UTRN: variants seen among roughly 807,000 people sequenced by gnomAD.
UTRN encodes dystrophin-related protein 1.
A neutral mutation model predicts 463.9 loss-of-function variants in UTRN; 283 were observed. That is an observed-to-expected ratio of 0.61 (90% confidence interval 0.55 to 0.67). The LOEUF (loss-of-function observed/expected upper bound fraction) is 0.67. Ranked by LOEUF, UTRN falls within the 30% of genes least tolerant of loss-of-function variation. The pLI is 0.00. For synonymous variants in UTRN, 1,442 were observed against 1,431.5 expected, an observed-to-expected ratio of 1.01 and a Z score of -0.17; for missense variants, 3,922 against 4,084.3, an observed-to-expected ratio of 0.96 and a Z score of 1.08.
intron 53 of UTRN, among the ~76,000 whole-genome samples, chr6:144,719,027 A>G (rs1418214205): frequency 2.0e-5 from 3 of 152,204 alleles, no homozygotes; most frequent in Admixed American, 2.0e-4. Flanking sequence ...TCTTGAGATA[A>G]TAATGTCTTC....
chr6:144,456,523 C>G (rs927124986), intron 19 of UTRN, among the ~76,000 whole-genome samples: 1 of 151,842 alleles, frequency 6.6e-6, no homozygotes, highest in Non-Finnish European at 1.5e-5. Context: ...CATGGTGGCA[C>G]ATGCCTGTAA....
intron 2 of UTRN, among the ~76,000 whole-genome samples, chr6:144,370,016 A>C (rs1299842866): frequency 6.6e-6 from 1 of 152,186 alleles, no homozygotes; most frequent in Non-Finnish European, 1.5e-5. Flanking sequence ...CAGCAGTATG[A>C]AAATGGACTA....
intron 51 of UTRN, among the ~76,000 whole-genome samples, chr6:144,613,019 A>G (rs1805689400): frequency 6.6e-6 from 1 of 152,124 alleles, no homozygotes; most frequent in Non-Finnish European, 1.5e-5. Context: ...TATACTATTC[A>G]TCCTTTACAA....
intron 65 of UTRN, among the ~76,000 whole-genome samples, chr6:144,804,666 A>G (rs1187591470): frequency 2.0e-5 from 3 of 148,840 alleles, no homozygotes; most frequent in Non-Finnish European, 3.0e-5. Context: ...TGAGCTGGCA[A>G]TTGTCAGAGT....
At chr6:144,743,433 T>A (rs1790327940) in intron 54 of UTRN, among the ~76,000 whole-genome samples, 1 of 152,226 alleles carries the variant, frequency 6.6e-6, no homozygotes, top group Non-Finnish European at 1.5e-5. Context: ...AGGAAGAGTT[T>A]TTTTTCCTCT....
chr6:144,410,082 T>C (rs1385217930), intron 3 of UTRN, among the ~76,000 whole-genome samples: 1 of 152,172 alleles, frequency 6.6e-6, no homozygotes, highest in Non-Finnish European at 1.5e-5. Context: ...AACTGGAGAC[T>C]GGATTTATCT....
intron 51 of UTRN, among the ~76,000 whole-genome samples, chr6:144,675,027 A>T (rs1293317483): frequency 1.3e-5 from 2 of 152,206 alleles, no homozygotes; most frequent in Non-Finnish European, 2.9e-5. Context: ...GTTATAGAAC[A>T]TTATTTTTTC....
intron 2 of UTRN, among the ~76,000 whole-genome samples, chr6:144,294,396 A>G (rs1392361040): frequency 1.3e-5 from 2 of 152,196 alleles, no homozygotes; most frequent in Non-Finnish European, 2.9e-5. Context: ...GTAATATTTC[A>G]TGGTACTCTA....
Position 144,561,252 on chromosome 6 carries a change from TATATATATAC to T in UTRN, c.7289+3945_7289+3954del, listed in dbSNP as rs1395375567. Among the ~76,000 whole-genome samples, 322 of 47,720 alleles carry T rather than the reference TATATATATAC, an allele frequency of 6.7e-3. 6 individuals are homozygous for T. Among genetic ancestry groups the T allele is most frequent in the Middle Eastern group, 0.062 (4 of 64 alleles). The allele number at this position is 47,720 out of a possible 152,430, so 31.3% of individuals were successfully genotyped here. A position where few individuals can be genotyped will look rare whatever the true frequency, so the allele number is the denominator to read the frequency against. ...ATATATATATATATATATATATATA[TATATATATAC>T]ATACACACACACACGTATACACACC... On this transcript the variant is annotated intron_variant, in intron 50 of 74. Transcript: ENST00000367545.
intron 23 of UTRN, 53 bp from the exon 24 acceptor site, chr6:144,473,667 A>C: frequency 7.1e-7 from 1 of 1,414,868 alleles, no homozygotes; most frequent in Admixed American, 1.7e-5. Context: ...CTTGAGATGT[A>C]GTAGGCTGAA....
chr6:144,478,148 A>G (rs776513066), intron 25 of UTRN, among the ~76,000 whole-genome samples: 1 of 152,252 alleles, frequency 6.6e-6, no homozygotes, highest in Non-Finnish European at 1.5e-5. Flanking sequence ...ACAGGCATAT[A>G]AAACAAATCA....
chr6:144,449,185 C>G (rs1787999037), intron 17 of UTRN, among the ~76,000 whole-genome samples: 1 of 152,130 alleles, frequency 6.6e-6, no homozygotes, highest in Non-Finnish European at 1.5e-5. Flanking sequence ...GATCCTTAAC[C>G]ATTCCTATTA....
In UTRN at chr6:144,421,983, T is replaced by A. The variant is rs753289839; in HGVS notation, c.234+13T>A. Reference sequence around the variant, plus strand: ...AGGAACATCACTGGTGAGCAAGTCATCTTTGTAAACAACGGAGTCTCCGGT... The same window carrying A: ...AGGAACATCACTGGTGAGCAAGTCAACTTTGTAAACAACGGAGTCTCCGGT... On this transcript the variant is annotated intron_variant, in intron 4 of 74. Transcript: ENST00000367545. 1.0e-5 allele frequency: 16 copies of A among 1,603,774 alleles called. No individual in the cohort carries two copies. The South Asian group carries it at 1.8e-4, about 18-fold the overall frequency.
chr6:144,407,412 A>C (rs183610560), intron 3 of UTRN, among the ~76,000 whole-genome samples: 2 of 152,326 alleles, frequency 1.3e-5, no homozygotes, highest in African/African-American at 4.8e-5. Flanking sequence ...AGTCCTGGAT[A>C]TGAATACAAT....
chr6:144,571,426 A>T (rs1383338864), intron 50 of UTRN, among the ~76,000 whole-genome samples: 1 of 152,210 alleles, frequency 6.6e-6, no homozygotes, highest in Non-Finnish European at 1.5e-5. Context: ...GACTCACTGC[A>T]GTCCCCTTCC....
intron 51 of UTRN, among the ~76,000 whole-genome samples, chr6:144,579,640 A>G (rs984866478): frequency 1.3e-5 from 2 of 152,226 alleles, no homozygotes; most frequent in Non-Finnish European, 2.9e-5. Context: ...AAATCTTTCA[A>G]AATAAAAATA....
At chr6:144,488,617 T>C (rs1792718302) in intron 29 of UTRN, 56 bp from the exon 30 acceptor site, 1 of 1,567,446 alleles carries the variant, frequency 6.4e-7, no homozygotes, top group Admixed American at 1.8e-5. Flanking sequence ...AATATATATA[T>C]TCTGCTATTT....
intron 51 of UTRN, among the ~76,000 whole-genome samples, chr6:144,652,351 C>T (rs57772972): frequency 0.042 from 6,347 of 152,240 alleles, 157 homozygotes; most frequent in African/African-American, 0.052. Flanking sequence ...AAGAAAATCA[C>T]GGGAAAGACC....
chr6:144,802,702 C>T (rs895087559), intron 64 of UTRN, among the ~76,000 whole-genome samples: 2 of 152,046 alleles, frequency 1.3e-5, no homozygotes, highest in South Asian at 2.1e-4. Flanking sequence ...TAAAAGTGCT[C>T]ATTGTTGAAA....
Sources: gnomAD v4.1 joint callset for allele counts (sites outside exome capture counted in the v4.1 genomes callset) on GRCh38, gnomAD v4.1.1 for gene constraint, MANE v1.5 for transcripts, NCBI Gene and HGNC (gene_info 2026-07-23, HGNC 2026-07-21) for gene names.